Variants in HOOK1 observed in about 807,000 individuals in gnomAD.
The protein encoded by HOOK1 is protein Hook homolog 1.
Under a neutral mutation model 112.8 loss-of-function variants are expected in HOOK1, and 60 were observed. That is an observed-to-expected ratio of 0.53 (90% CI 0.43 to 0.66). The LOEUF (loss-of-function observed/expected upper bound fraction) is 0.66, where lower values mean the gene tolerates loss of function less well. Ranked by LOEUF, HOOK1 falls within the 30% of genes least tolerant of loss-of-function variation. HOOK1 has a pLI of 0.00. For missense variants in HOOK1, 770 were observed against 856.0 expected, an observed-to-expected ratio of 0.90 and a Z score of 1.25; for synonymous variants, 294 against 283.8, an observed-to-expected ratio of 1.04 and a Z score of -0.36.
At chr1:59,866,498 T>C (rs2102072832) in intron 19 of HOOK1, among the ~76,000 whole-genome samples, 1 of 152,276 alleles carries the variant, frequency 6.6e-6, no homozygotes, top group Non-Finnish European at 1.5e-5. Context: ...AGTCCAATCA[T>C]AAATGGGGAA....
At chr1:59,830,673 T>C (rs898130299) in intron 3 of HOOK1, among the ~76,000 whole-genome samples, 1 of 152,130 alleles carries the variant, frequency 6.6e-6, no homozygotes, top group African/African-American at 2.4e-5. Flanking sequence ...TAAAAAACCT[T>C]CTATTTCTTA....
At chr1:59,833,768 T>C (rs2102021438) in intron 5 of HOOK1, among the ~76,000 whole-genome samples, 2 of 152,320 alleles carry the variant, frequency 1.3e-5, no homozygotes, top group East Asian at 1.9e-4. Flanking sequence ...AGATGTATTT[T>C]AGTTTAATTA....
At chr1:59,821,374 A>G (rs756355078) in intron 1 of HOOK1, among the ~76,000 whole-genome samples, 3 of 152,240 alleles carry the variant, frequency 2.0e-5, no homozygotes, top group Non-Finnish European at 4.4e-5. Flanking sequence ...CAATTTTTAG[A>G]TAGGAAACAG....
At chr1:59,865,121 T>C (rs1446880908) in intron 17 of HOOK1, 42 bp from the exon 18 acceptor site, 1 of 1,218,846 alleles carries the variant, frequency 8.2e-7, no homozygotes, top group Non-Finnish European at 1.2e-6. Context: ...CCACAAATGT[T>C]ATATGGCAGA....
intron 18 of HOOK1, among the ~76,000 whole-genome samples, chr1:59,865,543 A>T (rs906743037): frequency 6.6e-6 from 1 of 152,120 alleles, no homozygotes; most frequent in Admixed American, 6.5e-5. Context: ...ACTTTAAAAC[A>T]TTGTGTAGAA....
chr1:59,873,076 G>A lies in HOOK1; in HGVS notation c.*111G>A. On this transcript the variant is annotated 3_prime_UTR_variant, in exon 22 of 22. Coordinates refer to ENST00000371208, the MANE Select transcript of HOOK1 (RefSeq NM_015888.6). ...GATTGAAAAAGAGTTTATGATGCGG[G>A]ATATCAGGTATTTTAAAATCAACAT... 2.3e-6 allele frequency: 2 copies of A among 860,622 alleles called. No homozygotes were observed. Among genetic ancestry groups the A allele is most frequent in the Non-Finnish European group, 3.2e-6 (2 of 627,124 alleles). 53.3% of individuals were successfully genotyped at this position (860,622 alleles called of 1,614,324 possible).
chr1:59,847,227 CTATT>C (rs1391734447), intron 10 of HOOK1, 42 bp downstream of exon 10: 13 of 1,500,102 alleles, frequency 8.7e-6, no homozygotes, highest in Admixed American at 2.0e-5. Context: ...CATTTCTGAG[CTATT>C]TAGTCAATTT....
chr1:59,874,855 G>C lies in HOOK1; in HGVS notation c.*1890G>C, dbSNP rs35170297. 2 of 152,240 alleles carry C rather than the reference G, an allele frequency of 1.3e-5. No homozygotes were observed. The highest frequency in any genetic ancestry group is 4.2e-4 in the South Asian group (2 of 4,818). 9.4% of individuals were successfully genotyped at this position (152,240 alleles called of 1,614,324 possible). A position where few individuals can be genotyped will look rare whatever the true frequency, so the allele number is the denominator to read the frequency against. ...TTTTTACTGAAAATACAAGAATTTC[G>C]TACTGCATTTGCATCTCCGAGATTA... On this transcript the variant is annotated 3_prime_UTR_variant, in exon 22 of 22. Coordinates refer to ENST00000371208, the MANE Select transcript of HOOK1 (RefSeq NM_015888.6).
intron 19 of HOOK1, among the ~76,000 whole-genome samples, 180 bp downstream of exon 19, chr1:59,866,152 T>G (rs952623177): frequency 2.0e-5 from 3 of 152,150 alleles, no homozygotes; most frequent in Non-Finnish European, 2.9e-5. Context: ...TTAGTCTCAC[T>G]CATCAGTGTC....
chr1:59,858,222 T>C (rs895131095), intron 12 of HOOK1, among the ~76,000 whole-genome samples: 8 of 152,206 alleles, frequency 5.3e-5, no homozygotes, highest in African/African-American at 1.9e-4. Context: ...TGTTCAAAGA[T>C]AAGCTATCTG....
intron 12 of HOOK1, among the ~76,000 whole-genome samples, chr1:59,854,796 A>T (rs2098409626): frequency 6.6e-6 from 1 of 152,174 alleles, no homozygotes; most frequent in Non-Finnish European, 1.5e-5. Flanking sequence ...TTGTACTTTG[A>T]ATTTGTTGAA....
At chr1:59,815,431 C>A (rs1574164125) in intron 1 of HOOK1, 1 of 545,066 alleles carries the variant, frequency 1.8e-6, no homozygotes, top group Non-Finnish European at 3.3e-6. Flanking sequence ...CTGGTCTCAA[C>A]CAGAGGATTC....
At chr1:59,844,671 C>A (rs1028973607) in intron 9 of HOOK1, among the ~76,000 whole-genome samples, 1 of 151,908 alleles carries the variant, frequency 6.6e-6, no homozygotes, top group Non-Finnish European at 1.5e-5. Flanking sequence ...TAATTGATAT[C>A]TTAACTATAT....
At chr1:59,850,302 T>A (rs2102047707) in intron 12 of HOOK1, among the ~76,000 whole-genome samples, 1 of 151,588 alleles carries the variant, frequency 6.6e-6, no homozygotes, top group Non-Finnish European at 1.5e-5. Flanking sequence ...GCAGTTTTTT[T>A]TTTCTATTCT....
At chr1:59,866,588 A>T (rs146370291) in intron 19 of HOOK1, among the ~76,000 whole-genome samples, 39 of 152,206 alleles carry the variant, frequency 2.6e-4, no homozygotes, top group African/African-American at 8.9e-4. Flanking sequence ...TCCCAGGTTC[A>T]CTTGACCTTG....
At chr1:59,866,656 C>T (rs1262940386) in intron 19 of HOOK1, among the ~76,000 whole-genome samples, 7 of 152,114 alleles carry the variant, frequency 4.6e-5, no homozygotes, top group Non-Finnish European at 8.8e-5. Context: ...ATGTAATGGG[C>T]GAGGCCTGAA....
At chr1:59,838,838 A>T (rs551469501) in intron 7 of HOOK1, among the ~76,000 whole-genome samples, 5 of 152,076 alleles carry the variant, frequency 3.3e-5, no homozygotes, top group Admixed American at 6.6e-5. Flanking sequence ...TATGTCTTAC[A>T]TTTAAGTCTT....
At chr1:59,867,667 C>T (rs1643991879) in intron 19 of HOOK1, among the ~76,000 whole-genome samples, 1 of 152,088 alleles carries the variant, frequency 6.6e-6, no homozygotes, top group African/African-American at 2.4e-5. Context: ...ACATTCTGGT[C>T]AAACATATCT....
intron 3 of HOOK1, among the ~76,000 whole-genome samples, chr1:59,829,232 T>C (rs2098392112): frequency 6.6e-6 from 1 of 152,138 alleles, no homozygotes; most frequent in South Asian, 2.1e-4. Flanking sequence ...TTGCCTGCAT[T>C]AGTAGTTATT....
Sources: gnomAD v4.1 joint callset for allele counts (sites outside exome capture counted in the v4.1 genomes callset) on GRCh38, gnomAD v4.1.1 for gene constraint, MANE v1.5 for transcripts, NCBI Gene and HGNC (gene_info 2026-07-23, HGNC 2026-07-21) for gene names.